NFIB: variants seen among roughly 807,000 people sequenced by gnomAD.
NFIB encodes nuclear factor I B, also known as nuclear factor 1 B-type.
Under a neutral mutation model 61.5 loss-of-function variants are expected in NFIB, and 11 were observed. The observed-to-expected ratio is 0.18, with a 90% CI of 0.11 to 0.30. The LOEUF (loss-of-function observed/expected upper bound fraction) is 0.30, where lower values mean the gene tolerates loss of function less well. Among genes scored for constraint, NFIB ranks in the 10% least tolerant of loss-of-function variants. NFIB has a pLI of 1.00. For synonymous variants in NFIB, 260 were observed against 216.5 expected, an observed-to-expected ratio of 1.20 and a Z score of -1.76; for missense variants, 471 against 608.9, an observed-to-expected ratio of 0.77 and a Z score of 2.38.
intron 2 of NFIB, among the ~76,000 whole-genome samples, chr9:14,250,394 G>A (rs1417526462): frequency 6.6e-6 from 1 of 152,188 alleles, no homozygotes; most frequent in African/African-American, 2.4e-5. Flanking sequence ...TGGAAGGGAA[G>A]ATCAAAGAGG....
At chr9:14,427,953 T>TTTG in the NFIB span, among the ~76,000 whole-genome samples, 1 of 118,056 alleles carries the variant, frequency 8.5e-6, no homozygotes, top group African/African-American at 3.1e-5. Flanking sequence ...TTTTTTTTTT[T>TTTG]TTTTTTTTTT....
At chr9:14,435,768 G>C in the NFIB span, among the ~76,000 whole-genome samples, 1 of 152,200 alleles carries the variant, frequency 6.6e-6, no homozygotes, top group East Asian at 1.9e-4. Context: ...CCGAGCTCAA[G>C]TTCTGCTCTG....
intron 2 of NFIB, among the ~76,000 whole-genome samples, chr9:14,274,466 T>C (rs1050291501): frequency 6.6e-6 from 1 of 152,206 alleles, no homozygotes; most frequent in Non-Finnish European, 1.5e-5. Flanking sequence ...TACCTCTGTG[T>C]GCTGGGCTGA....
the NFIB span, among the ~76,000 whole-genome samples, chr9:14,497,560 C>T: frequency 6.6e-6 from 1 of 152,192 alleles, no homozygotes; most frequent in Non-Finnish European, 1.5e-5. Flanking sequence ...TTGTTTAAGA[C>T]ACTTTTCAAA....
intron 1 of NFIB, among the ~76,000 whole-genome samples, chr9:14,333,826 TTATTG>T (rs1383666513): frequency 8.5e-5 from 13 of 152,184 alleles, no homozygotes; most frequent in East Asian, 1.9e-4. Flanking sequence ...AGATGAAAAA[TTATTG>T]GCAATGCAGA....
the NFIB span, among the ~76,000 whole-genome samples, chr9:14,436,172 C>A: frequency 6.6e-6 from 1 of 152,252 alleles, no homozygotes; most frequent in African/African-American, 2.4e-5. Flanking sequence ...CCTGAACCAG[C>A]AATGAAAATC....
chr9:14,474,437 G>C, the NFIB span, among the ~76,000 whole-genome samples: 1 of 152,142 alleles, frequency 6.6e-6, no homozygotes, highest in Non-Finnish European at 1.5e-5. Flanking sequence ...TTGGGGATTA[G>C]GTTTTAACAT....
At chr9:14,239,747 CA>C (rs1169960161) in intron 2 of NFIB, among the ~76,000 whole-genome samples, 3 of 151,990 alleles carry the variant, frequency 2.0e-5, no homozygotes, top group East Asian at 3.8e-4. Flanking sequence ...TTTCTATCTA[CA>C]AAAAGTACAA....
chr9:14,500,137 C>T, the NFIB span, among the ~76,000 whole-genome samples: 4 of 152,146 alleles, frequency 2.6e-5, no homozygotes, highest in Non-Finnish European at 5.9e-5. Flanking sequence ...TATGTAGGTA[C>T]TGTCATGGTC....
chr9:14,103,352 G>A (rs1298000504), intron 10 of NFIB, among the ~76,000 whole-genome samples: 4 of 141,804 alleles, frequency 2.8e-5, no homozygotes, highest in South Asian at 2.6e-4. Flanking sequence ...TGGGGGGGGG[G>A]AAACACAGTA....
At position 14,134,907 on chromosome 9, in the gene NFIB, A is replaced by AAAAAAAAAAAAAAAAAC. The variant is rs1563820775; in HGVS notation, c.926-9142_926-9141insGTTTTTTTTTTTTTTTT. 3.1e-3 allele frequency among the ~76,000 whole-genome samples: 390 copies of AAAAAAAAAAAAAAAAAC among 125,852 alleles called. 6 individuals carry two copies. The highest frequency in any genetic ancestry group is 0.011 in the African/African-American group (373 of 33,044). The allele number at this position is 125,852 out of a possible 152,430, so 82.6% of individuals were successfully genotyped here. A position where few individuals can be genotyped will look rare whatever the true frequency, so the allele number is the denominator to read the frequency against. ...GGCGAGACTCTGTCTCAAAAAAAAA[A>AAAAAAAAAAAAAAAAAC]AAAAAAAAAAAAAGGAAATTGAAGG... On this transcript the variant is annotated intron_variant, in intron 6 of 10. Coordinates refer to ENST00000380953, the MANE Select transcript of NFIB (RefSeq NM_001190737.2).
At chr9:14,101,650 T>G (rs1035137607) in intron 10 of NFIB, among the ~76,000 whole-genome samples, 1 of 152,352 alleles carries the variant, frequency 6.6e-6, no homozygotes, top group Admixed American at 6.5e-5. Context: ...TCTAATTATT[T>G]AATTTGTCAA....
In NFIB at chr9:14,395,321, A is replaced by AC. The variant is rs1263346917; in HGVS notation, c.108+3202dup. Among the ~76,000 whole-genome samples the AC allele has an allele frequency of 9.4e-5, 14 of 148,896 alleles. No homozygotes were observed. The East Asian group carries it at 1.6e-3, about 16-fold the overall frequency. ...TTCGGGACAGCCAAAAAAAAAAAAA[A>AC]CCTAAAAAAAAAAAATCAAGAGATG... is the stretch of plus-strand genomic sequence containing the variant. On this transcript the variant is annotated intron_variant, in intron 1 of 8. Transcript: ENST00000380934.
At chr9:14,128,040 G>A (rs923467300) in intron 6 of NFIB, among the ~76,000 whole-genome samples, 2 of 150,378 alleles carry the variant, frequency 1.3e-5, no homozygotes, top group Admixed American at 1.3e-4. Context: ...AATAGACAAA[G>A]CTCATTTTGC....
Position 14,091,151 on chromosome 9 carries a change from C to T in NFIB, c.1468-2825G>A, listed in dbSNP as rs186096127. ...GGAAAATAAATCTCAAACATTAACA[C>T]TATGCAGACCCCATATATGAGTTTT... On this transcript the variant is annotated intron_variant, in intron 10 of 10. Coordinates refer to ENST00000380953, the MANE Select transcript of NFIB (RefSeq NM_001190737.2). 5.5e-4 allele frequency among the ~76,000 whole-genome samples: 84 copies of T among 151,914 alleles called. 1 individual carries two copies. Among genetic ancestry groups the T allele is most frequent in the Middle Eastern group, 3.4e-3 (1 of 294 alleles).
At chr9:14,248,551 A>C (rs1480862975) in intron 2 of NFIB, among the ~76,000 whole-genome samples, 1 of 152,152 alleles carries the variant, frequency 6.6e-6, no homozygotes, top group Non-Finnish European at 1.5e-5. Context: ...GATTACAGGC[A>C]TGAGCCACCA....
intron 6 of NFIB, among the ~76,000 whole-genome samples, chr9:14,132,553 A>G (rs772987564): frequency 2.0e-5 from 3 of 151,746 alleles, no homozygotes; most frequent in Admixed American, 6.6e-5. Flanking sequence ...TTATTGTGTA[A>G]ATTTCATTTA....
At chr9:14,228,239 G>C (rs1012298281) in intron 2 of NFIB, among the ~76,000 whole-genome samples, 3 of 146,972 alleles carry the variant, frequency 2.0e-5, no homozygotes, top group African/African-American at 7.5e-5. Flanking sequence ...CTGTCATCCA[G>C]GCAGGAGTGC....
At position 14,347,937 on chromosome 9, in the gene NFIB, G is replaced by A. The variant is rs552180308; in HGVS notation, c.109-40417C>T. On this transcript the variant is annotated intron_variant, in intron 1 of 8. Transcript: ENST00000380934. ...GGAGCGACGCGCGTAGTTTCGCGTC[G>A]CACGCGGTGTCTGGTCTCCGCGCAC... Among the ~76,000 whole-genome samples the A allele has an allele frequency of 2.0e-5, 3 of 152,288 alleles. No individual in the cohort carries two copies. In the East Asian group the frequency reaches 5.8e-4, roughly 30 times the overall value.
Sources: gnomAD v4.1 joint callset for allele counts (sites outside exome capture counted in the v4.1 genomes callset) on GRCh38, gnomAD v4.1.1 for gene constraint, MANE v1.5 for transcripts, NCBI Gene and HGNC (gene_info 2026-07-23, HGNC 2026-07-21) for gene names.